BICRA: variants seen among roughly 807,000 people sequenced by gnomAD.
The protein encoded by BICRA is BRD4 interacting chromatin remodeling complex associated protein.
Under a neutral mutation model 96.9 loss-of-function variants are expected in BICRA, and 31 were observed. That is an observed-to-expected ratio of 0.32 (90% CI 0.24 to 0.43). The LOEUF (loss-of-function observed/expected upper bound fraction) is 0.43, where lower values mean the gene tolerates loss of function less well. Ranked by LOEUF, BICRA falls within the 20% of genes least tolerant of loss-of-function variation. The probability of loss-of-function intolerance (pLI) is 1.00; values close to 1 mark genes in which losing one functional copy is unlikely to be tolerated. For synonymous variants in BICRA, 1,350 were observed against 1,071.8 expected (o/e 1.26, Z -5.07); for missense variants, 2,283 against 2,190.3 (o/e 1.04, Z -0.84).
At chr19:47,634,315 CG>C (rs1326039071) in intron 1 of BICRA, among the ~76,000 whole-genome samples, 7 of 152,162 alleles carry the variant, frequency 4.6e-5, no homozygotes, top group Non-Finnish European at 1.0e-4. Flanking sequence ...TGGACTAACT[CG>C]GGCCTGCCCT....
rs569797977 is a variant in BICRA at position 47,679,195 on chromosome 19, C to CA, written c.151-125dup. On this transcript the variant is annotated intron_variant, in intron 5 of 14. Transcript: ENST00000594866. Reference sequence around the variant, plus strand: ...AGATTACAAGCGTGAACCACCATGCCAGGAGGGAATGTTCTTTCTTGAACG... The same window carrying CA: ...AGATTACAAGCGTGAACCACCATGCCAAGGAGGGAATGTTCTTTCTTGAACG... 80 of 588,666 alleles carry CA rather than the reference C, an allele frequency of 1.4e-4. No individual in the cohort carries two copies. The African/African-American group carries it at 1.4e-3, about 10-fold the overall frequency. The allele number at this position is 588,666 out of a possible 1,614,324, so 36.5% of individuals were successfully genotyped here.
chr19:47,702,517 A>T lies in BICRA; in HGVS notation c.*102A>T. 1 of 1,324,388 alleles carries T rather than the reference A, an allele frequency of 7.6e-7. No individual in the cohort carries two copies. Among genetic ancestry groups the T allele is most frequent in the African/African-American group, 1.6e-5 (1 of 64,140 alleles). The allele number at this position is 1,324,388 out of a possible 1,614,324, so 82.0% of individuals were successfully genotyped here. ...GGGGACTCGAGCCGGGGATCCCCTGACGGTTTTTCTTGCCTAAGTTATTTG... is the reference window on the plus strand; with the variant it reads ...GGGGACTCGAGCCGGGGATCCCCTGTCGGTTTTTCTTGCCTAAGTTATTTG... On this transcript the variant is annotated 3_prime_UTR_variant, in exon 15 of 15. Coordinates refer to ENST00000594866, the MANE Select transcript of BICRA (RefSeq NM_001394372.1).
Position 47,675,831 on chromosome 19 carries a change from TG to T in BICRA, c.85-16del. ...TGCCCTGCTGACTTTTGACCTTGGA[TG>T]GGGCGGGTCTTGTTGCAGCTTGACA... On this transcript the variant is annotated intron_variant, in intron 4 of 14. Coordinates refer to ENST00000594866, the MANE Select transcript of BICRA (RefSeq NM_001394372.1). The surrounding 1 kb of genome is among the most constrained non-coding windows in gnomAD (Gnocchi z 4.7). 6.3e-7 allele frequency: 1 copy of T among 1,599,270 alleles called. No homozygotes were observed.
At chr19:47,674,264 A>G (rs1186676011) in intron 4 of BICRA, among the ~76,000 whole-genome samples, 2 of 152,092 alleles carry the variant, frequency 1.3e-5, no homozygotes, top group Non-Finnish European at 2.9e-5. Context: ...GGCCAAACTG[A>G]AGGGAAAACT....
intron 11 of BICRA, 54 bp downstream of exon 11, chr19:47,696,566 G>A: frequency 4.6e-6 from 7 of 1,507,532 alleles, no homozygotes; most frequent in Non-Finnish European, 5.4e-6. Flanking sequence ...AGAGACCTGG[G>A]GGAGCATGGG....
Position 47,701,101 on chromosome 19 carries a change from G to T in BICRA, c.3596-227G>T, listed in dbSNP as rs967174954. The T allele has an allele frequency of 8.8e-6, 5 of 570,270 alleles. No homozygotes were observed. In the Admixed American group the frequency reaches 1.4e-4, roughly 15 times the overall value. The allele number at this position is 570,270 out of a possible 1,614,324, so 35.3% of individuals were successfully genotyped here. On this transcript the variant is annotated intron_variant, in intron 14 of 14. Transcript: ENST00000594866. This position sits in a 1 kb window ranked among gnomAD's most constrained non-coding sequence, Gnocchi z 5.4. ...TCTCTTAATTTACTTATGTCTGAAT[G>T]AGCCCCACGTGGCTCGTGGCGCTGT...
intron 1 of BICRA, among the ~76,000 whole-genome samples, chr19:47,640,335 C>G (rs761848731): frequency 1.3e-5 from 2 of 151,892 alleles, no homozygotes; most frequent in African/African-American, 2.4e-5. Context: ...AGTTCGAGAC[C>G]GGCCTGGCCA....
chr19:47,608,845 G>C (rs1412589604), upstream of BICRA, among the ~76,000 whole-genome samples: 1 of 150,786 alleles, frequency 6.6e-6, no homozygotes, highest in African/African-American at 2.4e-5. Flanking sequence ...AAGAGGAGGA[G>C]GAGGAGGAGG....
At chr19:47,654,845 A>G (rs116253496) in intron 1 of BICRA, among the ~76,000 whole-genome samples, 2,124 of 151,922 alleles carry the variant, frequency 0.014, 41 homozygotes, top group African/African-American at 0.045. Flanking sequence ...CTAACTGTAT[A>G]ATTTTGGTCG....
At chr19:47,634,672 A>G (rs957112720) in intron 1 of BICRA, among the ~76,000 whole-genome samples, 1 of 151,840 alleles carries the variant, frequency 6.6e-6, no homozygotes, top group African/African-American at 2.4e-5. Context: ...GCACCATCTC[A>G]GTAAATGGCA....
chr19:47,661,517 G>C (rs1216973195), intron 1 of BICRA: 1 of 152,292 alleles, frequency 6.6e-6, no homozygotes, highest in Non-Finnish European at 1.5e-5. Context: ...ATGGCATCTC[G>C]GTGTCCAGTG....
chr19:47,613,216 G>A (rs1971935082), intron 1 of BICRA, among the ~76,000 whole-genome samples: 1 of 152,076 alleles, frequency 6.6e-6, no homozygotes. Context: ...TCCTGGGGGT[G>A]TATAAGGCTC....
chr19:47,634,756 ATTTTTTT>A (rs57492096), intron 1 of BICRA, among the ~76,000 whole-genome samples: 10 of 120,290 alleles, frequency 8.3e-5, no homozygotes, highest in Admixed American at 1.8e-4. Context: ...TTAAAATTAA[ATTTTTTT>A]TTTTTTTTTT....
chr19:47,609,833 C>CG (rs1310192466), intron 1 of BICRA, among the ~76,000 whole-genome samples: 11 of 151,934 alleles, frequency 7.2e-5, no homozygotes, highest in Admixed American at 6.5e-4. Context: ...AGGAGGCCAC[C>CG]GGGGCTCCCC....
At chr19:47,634,439 T>G (rs1023915589) in intron 1 of BICRA, among the ~76,000 whole-genome samples, 2 of 152,136 alleles carry the variant, frequency 1.3e-5, no homozygotes, top group Non-Finnish European at 2.9e-5. Context: ...AGGAAGGAAT[T>G]CAGAAAGAGT....
chr19:47,627,147 G>T (rs1021714000), intron 1 of BICRA, among the ~76,000 whole-genome samples: 1 of 152,172 alleles, frequency 6.6e-6, no homozygotes, highest in African/African-American at 2.4e-5. Context: ...ATTGCAGGCT[G>T]AGGCACAGCC....
chr19:47,665,944 G>C lies in BICRA; in HGVS notation c.-107-4499G>C, dbSNP rs143797088. On this transcript the variant is annotated intron_variant, in intron 1 of 14. Coordinates refer to ENST00000594866, the MANE Select transcript of BICRA (RefSeq NM_001394372.1). ...AAGTGGGGCCGGGGACTTCTGTCCA[G>C]CCTCACTGGGCTGTGGCCCAAAAGC... Among the ~76,000 whole-genome samples the C allele has an allele frequency of 6.3e-3, 957 of 152,356 alleles. 6 individuals carry two copies. The highest frequency in any genetic ancestry group is 0.022 in the African/African-American group (894 of 41,574).
At chr19:47,683,319 A>G (rs562104440) in intron 7 of BICRA, among the ~76,000 whole-genome samples, 3 of 151,496 alleles carry the variant, frequency 2.0e-5, no homozygotes, top group African/African-American at 7.3e-5. Context: ...GCCAATCTAG[A>G]TAGGTGAAAA....
chr19:47,678,578 G>T (rs1031167863), intron 5 of BICRA, among the ~76,000 whole-genome samples: 8 of 152,094 alleles, frequency 5.3e-5, no homozygotes, highest in Non-Finnish European at 2.9e-5. Context: ...TTTCCTGAGG[G>T]TGCCCCGCTG....
Sources: allele counts gnomAD v4.1 joint callset (sites outside exome capture counted in the v4.1 genomes callset), GRCh38; gene constraint gnomAD v4.1.1; non-coding constraint Gnocchi (gnomAD v3.1); transcripts MANE v1.5; gene names NCBI Gene and HGNC (gene_info 2026-07-23, HGNC 2026-07-21).